The following GALNT13 variants were observed in gnomAD, a reference collection of about 807,000 sequenced individuals.
GALNT13 encodes polypeptide N-acetylgalactosaminyltransferase 13.
In GALNT13, 28 loss-of-function variants were observed where a neutral mutation model predicts 64.2. The observed-to-expected ratio is 0.44, with a 90% CI of 0.32 to 0.60. The LOEUF is 0.60. Among genes scored for constraint, GALNT13 ranks in the 20% least tolerant of loss-of-function variants. GALNT13 has a pLI of 0.05. For synonymous variants in GALNT13, 214 were observed against 224.6 expected, an observed-to-expected ratio of 0.95 and a Z score of 0.42; for missense variants, 577 against 669.8, an observed-to-expected ratio of 0.86 and a Z score of 1.53.
chr2:154,128,894 T>A (rs1682452251), intron 3 of GALNT13, among the ~76,000 whole-genome samples: 1 of 152,134 alleles, frequency 6.6e-6, no homozygotes, highest in South Asian at 2.1e-4. Context: ...GACATTTAGG[T>A]CCATTATTTG....
At chr2:154,139,482 A>G (rs1683136434) in intron 3 of GALNT13, among the ~76,000 whole-genome samples, 1 of 151,976 alleles carries the variant, frequency 6.6e-6, no homozygotes, top group Non-Finnish European at 1.5e-5. Context: ...AGACATTGGA[A>G]GAGTCGAGAC....
chr2:153,979,783 C>T (rs372097425), intron 3 of GALNT13, among the ~76,000 whole-genome samples: 6 of 152,084 alleles, frequency 3.9e-5, no homozygotes, highest in South Asian at 2.1e-4. Flanking sequence ...TCAGCATCTA[C>T]GTGAGGCTGA....
chr2:154,141,374 ATACT>A (rs1325571673), intron 4 of GALNT13, among the ~76,000 whole-genome samples: 1 of 152,088 alleles, frequency 6.6e-6, no homozygotes, highest in Admixed American at 6.5e-5. Flanking sequence ...TTTAGTATTA[ATACT>A]TACCTTAAAA....
chr2:153,582,883 C>A, the GALNT13 span, among the ~76,000 whole-genome samples: 1 of 152,018 alleles, frequency 6.6e-6, no homozygotes. Context: ...GAACAAAGTG[C>A]CCTTATTAAA....
the GALNT13 span, among the ~76,000 whole-genome samples, chr2:153,194,531 C>T: frequency 2.0e-5 from 3 of 152,080 alleles, no homozygotes; most frequent in African/African-American, 7.2e-5. Context: ...CATCTGACTG[C>T]ACTTCTTTAA....
At chr2:153,982,077 T>C (rs1228635964) in intron 3 of GALNT13, among the ~76,000 whole-genome samples, 2 of 152,130 alleles carry the variant, frequency 1.3e-5, no homozygotes, top group Non-Finnish European at 2.9e-5. Flanking sequence ...TCTTTCAAAC[T>C]GACACTCAAC....
In GALNT13 at chr2:154,043,455, T is replaced by TATATATATACATACAC. The variant is rs1341373277; in HGVS notation, c.143-96881_143-96880insTATATATACATACACA. On this transcript the variant is annotated intron_variant, in intron 3 of 12. Transcript: ENST00000392825. ...ATATATATATATATATATATATATATACACACATGTATACATAAAAACATG... is the reference window on the plus strand; with the variant it reads ...ATATATATATATATATATATATATATATATATATACATACACACACACATGTATACATAAAAACATG... Among the ~76,000 whole-genome samples the TATATATATACATACAC allele has an allele frequency of 1.9e-3, 201 of 104,954 alleles. 7 individuals are homozygous for TATATATATACATACAC. Among genetic ancestry groups the TATATATATACATACAC allele is most frequent in the East Asian group, 9.4e-3 (15 of 1,590 alleles). 68.9% of individuals were successfully genotyped at this position (104,954 alleles called of 152,430 possible).
the GALNT13 span, among the ~76,000 whole-genome samples, chr2:153,729,226 C>T: frequency 6.6e-6 from 1 of 152,100 alleles, no homozygotes; most frequent in African/African-American, 2.4e-5. Context: ...ATCTTTAAAA[C>T]CCTTTTTCCA....
In GALNT13 at chr2:154,298,846, AT is replaced by A. The variant is rs569080882; in HGVS notation, c.976-2561del. On this transcript the variant is annotated intron_variant, in intron 8 of 12. Transcript: ENST00000392825. ...TATATACATTATATATAAATTATAT[AT>A]TATTTATATATACATTATATATACA... 5.3e-3 allele frequency among the ~76,000 whole-genome samples: 659 copies of A among 125,294 alleles called. 8 individuals carry two copies. The highest frequency in any genetic ancestry group is 0.018 in the African/African-American group (618 of 33,900). The allele number at this position is 125,294 out of a possible 152,430, so 82.2% of individuals were successfully genotyped here.
intron 3 of GALNT13, among the ~76,000 whole-genome samples, chr2:154,002,760 C>T (rs1325402364): frequency 1.3e-5 from 2 of 152,146 alleles, no homozygotes; most frequent in African/African-American, 4.8e-5. Flanking sequence ...CCTCTTCCAT[C>T]TATTGCAGTT....
intron 3 of GALNT13, among the ~76,000 whole-genome samples, chr2:154,136,425 A>T (rs765472488): frequency 1.3e-5 from 2 of 152,102 alleles, no homozygotes; most frequent in Admixed American, 6.6e-5. Flanking sequence ...CTAGATATAG[A>T]CTAGTTCATT....
At chr2:154,009,436 A>C (rs1020086830) in intron 3 of GALNT13, among the ~76,000 whole-genome samples, 3 of 151,694 alleles carry the variant, frequency 2.0e-5, no homozygotes, top group Non-Finnish European at 2.9e-5. Flanking sequence ...AATTCTGTGA[A>C]GATTGTCCAC....
At chr2:154,233,924 GA>G (rs1689061627) in intron 4 of GALNT13, among the ~76,000 whole-genome samples, 1 of 152,112 alleles carries the variant, frequency 6.6e-6, no homozygotes, top group Non-Finnish European at 1.5e-5. Context: ...TCTTCCAGCT[GA>G]AAATATTAAA....
chr2:154,179,844 A>AT (rs1448030141), intron 4 of GALNT13, among the ~76,000 whole-genome samples: 1 of 142,860 alleles, frequency 7.0e-6, no homozygotes, highest in Non-Finnish European at 1.5e-5. Context: ...AAAAAAAAAA[A>AT]TCTTAAAAGG....
the GALNT13 span, among the ~76,000 whole-genome samples, chr2:153,624,069 G>A: frequency 6.6e-6 from 1 of 151,834 alleles, no homozygotes; most frequent in African/African-American, 2.4e-5. Flanking sequence ...GTGGGTGAGG[G>A]AGTTGGTTAT....
chr2:153,460,768 A>G, the GALNT13 span, among the ~76,000 whole-genome samples: 1 of 152,282 alleles, frequency 6.6e-6, no homozygotes, highest in East Asian at 1.9e-4. Flanking sequence ...CATTAATCAG[A>G]GTGGACATGG....
Position 154,298,754 on chromosome 2 carries a change from ATACT to A in GALNT13, c.976-2654_976-2651del, listed in dbSNP as rs1693216466. ...TTATATATAGTATATATAAATATAT[ATACT>A]ATATATAAATTATATATTTATTTAT... On this transcript the variant is annotated intron_variant, in intron 8 of 12. Coordinates refer to ENST00000392825, the MANE Select transcript of GALNT13 (RefSeq NM_052917.4). 2.5e-5 allele frequency among the ~76,000 whole-genome samples: 2 copies of A among 80,368 alleles called. 1 individual carries two copies. Among genetic ancestry groups the A allele is most frequent in the South Asian group, 8.2e-4 (2 of 2,438 alleles). 52.7% of individuals were successfully genotyped at this position (80,368 alleles called of 152,430 possible).
the GALNT13 span, among the ~76,000 whole-genome samples, chr2:153,848,097 C>T: frequency 6.6e-6 from 1 of 152,290 alleles, no homozygotes; most frequent in East Asian, 1.9e-4. Flanking sequence ...CAAGACAATT[C>T]TCTGAAAAAG....
At chr2:153,127,578 A>G in the GALNT13 span, among the ~76,000 whole-genome samples, 1 of 152,008 alleles carries the variant, frequency 6.6e-6, no homozygotes, top group African/African-American at 2.4e-5. Flanking sequence ...ATATCCAAAC[A>G]CCAGTTTTAT....
Sources: allele counts gnomAD v4.1 joint callset (sites outside exome capture counted in the v4.1 genomes callset), GRCh38; gene constraint gnomAD v4.1.1; transcripts MANE v1.5; gene names NCBI Gene and HGNC (gene_info 2026-07-23, HGNC 2026-07-21).